Variants in RTL5 observed in about 807,000 individuals in gnomAD.
The protein encoded by RTL5 is retrotransposon Gag like 5, also known as retrotransposon Gag-like protein 5.
RTL5 carries 8 observed loss-of-function variants against 7.7 expected under a neutral mutation model. That is an observed-to-expected ratio of 1.04 (90% CI 0.61 to 1.88). The LOEUF is 1.88. Ranked by LOEUF, RTL5 falls within the 40% of genes most tolerant of loss-of-function variation. The probability of loss-of-function intolerance (pLI) is 0.00; values close to 1 mark genes in which losing one functional copy is unlikely to be tolerated. For synonymous variants in RTL5, 188 were observed against 191.8 expected, an observed-to-expected ratio of 0.98 and a Z score of 0.16; for missense variants, 457 against 472.7, an observed-to-expected ratio of 0.97 and a Z score of 0.31.
chrX:72,131,529 C>T (rs765445643), exon 1 of RTL5: 167 of 1,185,914 alleles, frequency 1.4e-4, no homozygotes, highest in Non-Finnish European at 1.9e-4. Flanking sequence ...GATTTCCTGA[C>T]GCCTCAGACA....
Position 72,131,294 on chromosome X carries a change from C to A in RTL5, c.247G>T (p.Glu83Ter), listed in dbSNP as rs758850520. 1.7e-6 allele frequency: 2 copies of A among 1,199,810 alleles called. No individual in the cohort carries two copies. ...GGAGGCCGGCACAAGAAGGGCAGTT[C>A]TCCCCCGGGAATGACTTCGATCTCA... The change falls in exon 1 of 1, where the codon GAA becomes TAA. Residue 83 changes from glutamate to a stop codon, truncating the protein, a stop_gained. Transcript: ENST00000609883. LOFTEE classifies it low-confidence loss of function (END_TRUNC).
chrX:72,131,333 C>G, exon 1 of RTL5: 1 of 1,203,728 alleles, frequency 8.3e-7, no homozygotes, highest in Non-Finnish European at 1.1e-6. Flanking sequence ...AGCGCGAACT[C>G]CAAGTTCTCC....
At chrX:72,130,140 C>T (rs1181401183) in exon 1 of RTL5, 2 of 1,211,093 alleles carry the variant, frequency 1.7e-6, no homozygotes, top group Admixed American at 4.3e-5. Flanking sequence ...CCATCTCCAT[C>T]AGCTCATCTA....
exon 1 of RTL5, chrX:72,131,756 C>A: frequency 3.8e-6 from 1 of 263,260 alleles, no homozygotes; most frequent in Non-Finnish European, 6.5e-6. Context: ...CGCGTTACCT[C>A]GTCGCCGGGG....
rs193058058 is a variant in RTL5 at position 72,129,695 on chromosome X, G to A, written c.*136C>T. ...CGGTTGCAAGATGGTCTGGAATTCT[G>A]CAGGTCTTCTTCAGGTTCTGCAGGT... On this transcript the variant is annotated 3_prime_UTR_variant, in exon 1 of 1. Transcript: ENST00000609883. 3.4e-5 allele frequency: 21 copies of A among 619,949 alleles called. No individual in the cohort carries two copies. The East Asian group carries it at 6.1e-4, about 18-fold the overall frequency. 51.1% of individuals were successfully genotyped at this position (619,949 alleles called of 1,213,427 possible).
chrX:72,131,756 C>G (rs2042303786), exon 1 of RTL5: 2 of 260,758 alleles, frequency 7.7e-6, no homozygotes, highest in Admixed American at 6.9e-5. Context: ...CGCGTTACCT[C>G]GTCGCCGGGG....
exon 1 of RTL5, chrX:72,131,269 G>A: frequency 1.7e-6 from 2 of 1,201,139 alleles, no homozygotes; most frequent in Non-Finnish European, 1.1e-6. Context: ...CGCGCGTGGG[G>A]GAGGCCGGCA....
exon 1 of RTL5, chrX:72,130,840 G>A (rs781206301): frequency 5.8e-6 from 7 of 1,209,825 alleles, no homozygotes; most frequent in African/African-American, 5.2e-5. Flanking sequence ...AGCCACACGT[G>A]GGGGGATGGG....
chrX:72,128,177 A>G (rs1429458337), exon 1 of RTL5: 1 of 112,084 alleles, frequency 8.9e-6, no homozygotes, highest in Non-Finnish European at 1.9e-5. Context: ...CCACTGATGA[A>G]TAGAGACCTC....
exon 1 of RTL5, chrX:72,130,790 G>C (rs758522673): frequency 4.1e-6 from 5 of 1,210,051 alleles, no homozygotes; most frequent in African/African-American, 3.5e-5. Flanking sequence ...TAGCTGCCGA[G>C]GGTACAGTGG....
exon 1 of RTL5, chrX:72,127,913 G>A (rs1297139954): frequency 8.9e-6 from 1 of 112,744 alleles, no homozygotes; most frequent in Non-Finnish European, 1.9e-5. Context: ...ACAAGACATA[G>A]CAAGAACACA....
chrX:72,128,733 C>A (rs1367922512), exon 1 of RTL5: 1 of 112,812 alleles, frequency 8.9e-6, no homozygotes, highest in Non-Finnish European at 1.9e-5. Context: ...GAGCTCAGAG[C>A]AGGCCATGGG....
At chrX:72,131,135 A>G in exon 1 of RTL5, 1 of 1,184,794 alleles carries the variant, frequency 8.4e-7, no homozygotes, top group Non-Finnish European at 1.1e-6. Context: ...GGTTCCTTTG[A>G]CGCGGGCGGA....
At chrX:72,131,544 G>A (rs757786593) in exon 1 of RTL5, 35 of 1,174,601 alleles carry the variant, frequency 3.0e-5, no homozygotes, top group Non-Finnish European at 4.0e-5. Context: ...CAGACATCTC[G>A]ACAAGCCCAG....
exon 1 of RTL5, chrX:72,129,586 G>T: frequency 2.5e-6 from 1 of 404,198 alleles, no homozygotes; most frequent in East Asian, 4.0e-5. Context: ...GCCGGACTGA[G>T]CAGAGTACAT....
rs747731041 is a variant in RTL5 at position 72,130,010 on chromosome X, G to A, written c.1531C>T (p.Arg511Ter). Residue 511 changes from arginine (R) to a stop codon, truncating the protein, a stop_gained, in exon 1 of 1, where the codon CGA (arginine) becomes TGA (stop). Transcript: ENST00000609883. LOFTEE classifies it high-confidence loss of function. ...GGAAGGCCTTCCAGAAGTGGGACTC[G>A]ATTCTGGTTCCTCCGTCTGCTAGGC... is the stretch of plus-strand genomic sequence containing the variant. 2.2e-5 allele frequency: 26 copies of A among 1,209,087 alleles called. No individual in the cohort carries two copies. The highest frequency in any genetic ancestry group is 2.7e-5 in the Non-Finnish European group (24 of 894,563).
At chrX:72,128,071 G>A (rs1223002999) in exon 1 of RTL5, 1 of 111,887 alleles carries the variant, frequency 8.9e-6, no homozygotes, top group Non-Finnish European at 1.9e-5. Flanking sequence ...GGAGAGAGGG[G>A]ATCTTTTTAA....
Position 72,130,315 on chromosome X carries a change from TC to T in RTL5, c.1225del (p.Glu409ArgfsTer2). The T allele has an allele frequency of 8.7e-7, 1 of 1,150,005 alleles. No homozygotes were observed. Among genetic ancestry groups the T allele is most frequent in the Middle Eastern group, 2.4e-4 (1 of 4,210 alleles). 94.8% of individuals were successfully genotyped at this position (1,150,005 alleles called of 1,213,427 possible). On this transcript the variant is annotated frameshift_variant, in exon 1 of 1. Coordinates refer to ENST00000609883, the Ensembl canonical transcript of RTL5. LOFTEE classifies it low-confidence loss of function (END_TRUNC). ...TTCCTCCTCATTCTTGTTCCTTATC[TC>T]CTCCTCCTCCTCTTTCTGTTTCATT...
exon 1 of RTL5, chrX:72,130,500 A>G: frequency 1.7e-6 from 2 of 1,210,700 alleles, no homozygotes; most frequent in Non-Finnish European, 2.2e-6. Flanking sequence ...CTTGGTCTTC[A>G]TCTTCACTGT....
Sources: gnomAD v4.1 joint callset for allele counts on GRCh38, gnomAD v4.1.1 for gene constraint, MANE v1.5 for transcripts, NCBI Gene and HGNC (gene_info 2026-07-23, HGNC 2026-07-21) for gene names.